Variants in RGS21 observed in about 807,000 individuals in gnomAD.
The protein encoded by RGS21 is regulator of G-protein signalling 21.
RGS21 carries 19 observed loss-of-function variants against 18.7 expected under a neutral mutation model. The observed-to-expected ratio is 1.01, with a 90% CI of 0.71 to 1.49. RGS21 has a LOEUF of 1.49. RGS21 is among the 40% of genes most tolerant of loss of function. The probability of loss-of-function intolerance (pLI) is 0.00; values close to 1 mark genes in which losing one functional copy is unlikely to be tolerated. For synonymous variants in RGS21, 56 were observed against 57.8 expected, an observed-to-expected ratio of 0.97 and a Z score of 0.14; for missense variants, 194 against 176.8, an observed-to-expected ratio of 1.10 and a Z score of -0.55.
chr1:192,329,321 G>T (rs1468629347), intron 1 of RGS21, among the ~76,000 whole-genome samples: 1 of 151,968 alleles, frequency 6.6e-6, no homozygotes, highest in Non-Finnish European at 1.5e-5. Flanking sequence ...ATGAGCAGAG[G>T]TATACTTCAT....
At chr1:192,349,336 A>G (rs1270171349) in intron 3 of RGS21, among the ~76,000 whole-genome samples, 2 of 152,198 alleles carry the variant, frequency 1.3e-5, no homozygotes, top group African/African-American at 2.4e-5. Flanking sequence ...TTTGCTTTTC[A>G]TAATACCAGA....
chr1:192,341,450 C>A (rs12087641), intron 1 of RGS21, among the ~76,000 whole-genome samples: 1,653 of 152,002 alleles, frequency 0.011, 28 homozygotes, highest in African/African-American at 0.038. Flanking sequence ...TATGGCAATC[C>A]TTTGTCAAGA....
At chr1:192,331,864 AG>A (rs1305439455) in intron 1 of RGS21, among the ~76,000 whole-genome samples, 2 of 152,046 alleles carry the variant, frequency 1.3e-5, no homozygotes, top group African/African-American at 4.8e-5. Flanking sequence ...ACCATTTAAA[AG>A]TAATATTAAA....
At chr1:192,319,509 A>G (rs1393628256) in intron 1 of RGS21, among the ~76,000 whole-genome samples, 1 of 152,128 alleles carries the variant, frequency 6.6e-6, no homozygotes, top group Non-Finnish European at 1.5e-5. Context: ...TTCCAAAATG[A>G]GAGAAATACC....
intron 1 of RGS21, among the ~76,000 whole-genome samples, chr1:192,338,259 A>C (rs1273399255): frequency 6.6e-6 from 1 of 152,184 alleles, no homozygotes; most frequent in African/African-American, 2.4e-5. Flanking sequence ...ATTGAACCTC[A>C]TATAGCAGTA....
Position 192,366,265 on chromosome 1 carries a change from A to T in RGS21, c.*141A>T. 1.6e-6 allele frequency: 1 copy of T among 613,750 alleles called. No individual in the cohort carries two copies. Among genetic ancestry groups the T allele is most frequent in the South Asian group, 1.9e-5 (1 of 52,568 alleles). The allele number at this position is 613,750 out of a possible 1,614,324, so 38.0% of individuals were successfully genotyped here. A position where few individuals can be genotyped will look rare whatever the true frequency, so the allele number is the denominator to read the frequency against. ...ACAGATGAATAACGTTTTATACAAC[A>T]AGCCTGAATTTCTAACTCAGTTGTT... On this transcript the variant is annotated 3_prime_UTR_variant, in exon 5 of 5. Coordinates refer to ENST00000417209, the MANE Select transcript of RGS21 (RefSeq NM_001039152.3).
intron 3 of RGS21, among the ~76,000 whole-genome samples, chr1:192,347,692 C>T (rs1416371614): frequency 1.3e-5 from 2 of 152,110 alleles, no homozygotes; most frequent in Non-Finnish European, 2.9e-5. Context: ...GTCTCACTCT[C>T]TCTCTCTATC....
At chr1:192,362,289 G>A (rs1659197057) in intron 4 of RGS21, among the ~76,000 whole-genome samples, 1 of 152,068 alleles carries the variant, frequency 6.6e-6, no homozygotes, top group Non-Finnish European at 1.5e-5. Context: ...AGAAGGGAAA[G>A]ATACTGTAAA....
In RGS21 at chr1:192,352,071, T is replaced by C. The variant is rs1185659498; in HGVS notation, c.113T>C (p.Phe38Ser). 6.3e-7 allele frequency: 1 copy of C among 1,599,862 alleles called. No homozygotes were observed. Among genetic ancestry groups the C allele is most frequent in the South Asian group, 1.1e-5 (1 of 88,890 alleles). ...GCTGGTCTAGATGCTTTTCGAATAT[T>C]TCTAAAATCAGAGTTTAGTGAAGAA... ...NQAGLDAFRIFLKSEFSEENV... is the reference protein window; with the variant it reads ...NQAGLDAFRISLKSEFSEENV... The change falls in exon 4 of 5, where the codon TTT (phenylalanine) becomes TCT (serine). Residue 38 changes from phenylalanine (F) to serine (S), a missense_variant. Coordinates refer to ENST00000417209, the MANE Select transcript of RGS21 (RefSeq NM_001039152.3).
intron 1 of RGS21, among the ~76,000 whole-genome samples, chr1:192,318,749 C>G (rs899720726): frequency 2.6e-5 from 4 of 152,026 alleles, no homozygotes; most frequent in Middle Eastern, 3.2e-3. Context: ...ATAAAAAACC[C>G]TTTCTATTCA....
intron 3 of RGS21, among the ~76,000 whole-genome samples, chr1:192,350,973 C>T (rs557791640): frequency 6.0e-4 from 92 of 152,246 alleles, no homozygotes; most frequent in African/African-American, 2.0e-3. Flanking sequence ...AAGTGAGACT[C>T]ATAGAAATCA....
At chr1:192,349,404 A>G (rs752888628) in intron 3 of RGS21, among the ~76,000 whole-genome samples, 4 of 152,178 alleles carry the variant, frequency 2.6e-5, no homozygotes, top group Non-Finnish European at 5.9e-5. Flanking sequence ...GACTTGTCAA[A>G]TTACCTAGTT....
chr1:192,321,115 A>C (rs1316338602), intron 1 of RGS21, among the ~76,000 whole-genome samples: 1 of 151,960 alleles, frequency 6.6e-6, no homozygotes, highest in Non-Finnish European at 1.5e-5. Flanking sequence ...CATGTCTCTA[A>C]AATATGTATA....
At chr1:192,335,486 T>A (rs144416115) in intron 1 of RGS21, among the ~76,000 whole-genome samples, 1 of 152,342 alleles carries the variant, frequency 6.6e-6, no homozygotes, top group East Asian at 1.9e-4. Context: ...GTATTGTTTT[T>A]CTACCTATCC....
chr1:192,352,839 T>C (rs1330602226), intron 4 of RGS21, among the ~76,000 whole-genome samples: 1 of 152,030 alleles, frequency 6.6e-6, no homozygotes, highest in Non-Finnish European at 1.5e-5. Context: ...ATGTGGAATA[T>C]CTCATTTGTA....
At chr1:192,359,678 T>TATATATATATATATATATATATATATA (rs1557982435) in intron 4 of RGS21, among the ~76,000 whole-genome samples, 1 of 146,190 alleles carries the variant, frequency 6.8e-6, no homozygotes, top group Admixed American at 6.8e-5. Context: ...TATATATATA[T>TATATATATATATATATATATATATATA]TCCTGTTTAC....
chr1:192,317,946 C>T lies in RGS21; in HGVS notation c.-61+841C>T, dbSNP rs1024178430. On this transcript the variant is annotated intron_variant, in intron 1 of 4. Coordinates refer to ENST00000417209, the MANE Select transcript of RGS21 (RefSeq NM_001039152.3). ...ACAACTCAAGATGAAATGGTTGTTACTTTGTTTTGGCATTTACTAGTACAT... is the reference window on the plus strand; with the variant it reads ...ACAACTCAAGATGAAATGGTTGTTATTTTGTTTTGGCATTTACTAGTACAT... Among the ~76,000 whole-genome samples the T allele has an allele frequency of 2.0e-5, 3 of 151,926 alleles. No homozygotes were observed. In the East Asian group the frequency reaches 5.8e-4, roughly 29 times the overall value.
At chr1:192,349,656 A>G (rs1659007829) in intron 3 of RGS21, among the ~76,000 whole-genome samples, 1 of 152,190 alleles carries the variant, frequency 6.6e-6, no homozygotes. Flanking sequence ...TCAACAAAAT[A>G]TCATGTTCAA....
chr1:192,327,495 G>A (rs372107758), intron 1 of RGS21, among the ~76,000 whole-genome samples: 11 of 151,178 alleles, frequency 7.3e-5, no homozygotes, highest in African/African-American at 1.7e-4. Context: ...TTTTTGAGAC[G>A]GAGGTTCACT....
Sources: allele counts gnomAD v4.1 joint callset (sites outside exome capture counted in the v4.1 genomes callset), GRCh38; gene constraint gnomAD v4.1.1; transcripts MANE v1.5; gene names NCBI Gene and HGNC (gene_info 2026-07-23, HGNC 2026-07-21).